The following SMC5 variants were observed in gnomAD, a reference collection of about 807,000 sequenced individuals.
The protein encoded by SMC5 is structural maintenance of chromosomes 5, also known as structural maintenance of chromosomes protein 5.
Under a neutral mutation model 148.3 loss-of-function variants are expected in SMC5, and 88 were observed. The ratio of observed to expected loss-of-function variants is 0.59; its 90% confidence interval spans 0.50 to 0.71. SMC5 has a LOEUF of 0.71. SMC5 is among the 30% of genes least tolerant of loss of function. SMC5 has a pLI of 0.00. For missense variants in SMC5, 1,142 were observed against 1,298.9 expected, an observed-to-expected ratio of 0.88 and a Z score of 1.86; for synonymous variants, 421 against 432.8, an observed-to-expected ratio of 0.97 and a Z score of 0.34.
intron 11 of SMC5, among the ~76,000 whole-genome samples, chr9:70,314,499 CA>C (rs2035744419): frequency 6.6e-6 from 1 of 151,952 alleles, no homozygotes; most frequent in South Asian, 2.1e-4. Flanking sequence ...AAGTAATTCC[CA>C]GACATTCTGT....
At chr9:70,310,638 C>G (rs753146820) in intron 11 of SMC5, among the ~76,000 whole-genome samples, 5 of 152,132 alleles carry the variant, frequency 3.3e-5, no homozygotes, top group Admixed American at 6.6e-5. Flanking sequence ...GTCAGCTTTC[C>G]TTTGAAGTTT....
intron 7 of SMC5, among the ~76,000 whole-genome samples, chr9:70,284,130 A>C: frequency 6.6e-6 from 1 of 152,214 alleles, no homozygotes; most frequent in Non-Finnish European, 1.5e-5. Flanking sequence ...AGAGGAAATG[A>C]ATCAACAGTT....
At chr9:70,337,000 G>A (rs1169626851) in intron 17 of SMC5, among the ~76,000 whole-genome samples, 2 of 152,142 alleles carry the variant, frequency 1.3e-5, no homozygotes, top group African/African-American at 4.8e-5. Flanking sequence ...CAAAGAGAAA[G>A]CTTGTACAGG....
At chr9:70,298,489 A>G (rs529095615) in intron 9 of SMC5, among the ~76,000 whole-genome samples, 1 of 152,112 alleles carries the variant, frequency 6.6e-6, no homozygotes, top group African/African-American at 2.4e-5. Flanking sequence ...TTTCTTTACA[A>G]AGTCACTCAC....
chr9:70,306,974 A>G (rs2118488664), intron 11 of SMC5, among the ~76,000 whole-genome samples: 1 of 152,356 alleles, frequency 6.6e-6, no homozygotes, highest in East Asian at 1.9e-4. Flanking sequence ...ATTATGTGCA[A>G]CATCATAATT....
At chr9:70,336,698 CATTG>C (rs923739084) in intron 17 of SMC5, among the ~76,000 whole-genome samples, 2 of 152,090 alleles carry the variant, frequency 1.3e-5, no homozygotes, top group Non-Finnish European at 2.9e-5. Context: ...GAAGTTACTT[CATTG>C]ATTGAGCTTA....
At chr9:70,269,379 G>A (rs1035851888) in intron 3 of SMC5, among the ~76,000 whole-genome samples, 7 of 151,966 alleles carry the variant, frequency 4.6e-5, no homozygotes, top group Admixed American at 3.9e-4. Flanking sequence ...TCCAGCAGTT[G>A]GAGACCAGCC....
intron 17 of SMC5, among the ~76,000 whole-genome samples, chr9:70,335,180 G>A (rs952524578): frequency 6.6e-6 from 1 of 152,188 alleles, no homozygotes; most frequent in Non-Finnish European, 1.5e-5. Flanking sequence ...TGTAACAGCT[G>A]TCTTTGTAAT....
At chr9:70,301,804 T>C (rs1308471965) in intron 10 of SMC5, among the ~76,000 whole-genome samples, 2 of 152,186 alleles carry the variant, frequency 1.3e-5, no homozygotes, top group East Asian at 3.8e-4. Context: ...AAAATAAATT[T>C]ATGACATGTT....
At chr9:70,346,996 A>G in intron 19 of SMC5, 70 bp from the exon 20 acceptor site, 1 of 1,126,024 alleles carries the variant, frequency 8.9e-7, no homozygotes, top group Non-Finnish European at 1.3e-6. Flanking sequence ...TCAGCAGATT[A>G]TTTTTCTTTT....
chr9:70,326,318 T>C (rs1587696432), intron 17 of SMC5, among the ~76,000 whole-genome samples: 1 of 152,314 alleles, frequency 6.6e-6, no homozygotes, highest in East Asian at 1.9e-4. Flanking sequence ...AGTCATTGAA[T>C]TGTACACTTC....
chr9:70,314,860 T>TTATTTAAATGTTGAATAATTCAA, intron 12 of SMC5, 24 bp downstream of exon 12: 2 of 1,235,226 alleles, frequency 1.6e-6, no homozygotes, highest in Non-Finnish European at 2.3e-6. Context: ...ATACTAAGAT[T>TTATTTAAATGTTGAATAATTCAA]TATTTAAATA....
intron 1 of SMC5, among the ~76,000 whole-genome samples, 160 bp downstream of exon 1, chr9:70,259,423 G>T (rs531192690): frequency 2.6e-5 from 4 of 152,216 alleles, no homozygotes; most frequent in African/African-American, 9.6e-5. Context: ...TCCTACGTAG[G>T]CTGTGGAGAT....
chr9:70,280,816 T>G lies in SMC5; in HGVS notation c.736T>G (p.Tyr246Asp). The G allele has an allele frequency of 6.2e-7, 1 of 1,613,810 alleles. No homozygotes were observed. The highest frequency in any genetic ancestry group is 8.5e-7 in the Non-Finnish European group (1 of 1,179,854). The change falls in exon 6 of 25, where the codon TAT (tyrosine) becomes GAT (aspartate). Residue 246 changes from tyrosine (Y) to aspartate (D), a missense_variant. Transcript: ENST00000361138. ...GAAAATGGTTCAGAGGAATGAAAGA[T>G]ATAAACAAGATGTGGAGAGGTTCTA... is the stretch of plus-strand genomic sequence containing the variant. The part of the protein sequence containing the change: ...LQKMVQRNER[Y>D]KQDVERFYER...
chr9:70,309,003 TTATATC>T (rs944907149), intron 11 of SMC5, among the ~76,000 whole-genome samples: 2 of 152,214 alleles, frequency 1.3e-5, no homozygotes, highest in Non-Finnish European at 2.9e-5. Context: ...TTTATACTAT[TTATATC>T]TATTAAGTGT....
chr9:70,291,302 C>T (rs937497473), intron 8 of SMC5, among the ~76,000 whole-genome samples: 3 of 152,178 alleles, frequency 2.0e-5, no homozygotes, highest in Admixed American at 2.0e-4. Flanking sequence ...CTTCATCATT[C>T]AGCCAGGCAG....
intron 5 of SMC5, 147 bp from the exon 6 acceptor site, chr9:70,280,612 G>T: frequency 1.5e-6 from 1 of 674,050 alleles, no homozygotes; most frequent in Non-Finnish European, 2.4e-6. Context: ...TCTCACTGTT[G>T]CCTAGGCTGG....
chr9:70,311,753 C>G (rs1173721990), intron 11 of SMC5: 1 of 151,180 alleles, frequency 6.6e-6, no homozygotes, highest in African/African-American at 2.4e-5. Context: ...GTCAGTAAAG[C>G]AAAGCACAAT....
intron 7 of SMC5, 31 bp from the exon 8 acceptor site, chr9:70,286,169 G>T (rs2034894356): frequency 2.8e-6 from 4 of 1,435,092 alleles, no homozygotes; most frequent in Admixed American, 1.7e-5. Context: ...TTAACTAGCT[G>T]TCCCCCCCTC....
Sources: gnomAD v4.1 joint callset for allele counts (sites outside exome capture counted in the v4.1 genomes callset) on GRCh38, gnomAD v4.1.1 for gene constraint, MANE v1.5 for transcripts, NCBI Gene and HGNC (gene_info 2026-07-23, HGNC 2026-07-21) for gene names.